The following SPIDR variants were observed in gnomAD, a reference collection of about 807,000 sequenced individuals.
The protein encoded by SPIDR is DNA repair-scaffolding protein.
SPIDR carries 93 observed loss-of-function variants against 104.6 expected under a neutral mutation model. The observed-to-expected ratio is 0.89, with a 90% CI of 0.75 to 1.06. The LOEUF (loss-of-function observed/expected upper bound fraction) is 1.06. Ranked by LOEUF, SPIDR falls within the 50% of genes least tolerant of loss-of-function variation. SPIDR has a pLI of 0.00. For synonymous variants in SPIDR, 431 were observed against 416.9 expected (o/e 1.03, Z -0.41); for missense variants, 1,154 against 1,111.2 (o/e 1.04, Z -0.55).
intron 7 of SPIDR, among the ~76,000 whole-genome samples, chr8:47,429,168 TAA>T (rs1224037474): frequency 6.6e-6 from 1 of 152,212 alleles, no homozygotes; most frequent in African/African-American, 2.4e-5. Context: ...AACGGAACAG[TAA>T]AGAGTTCTTA....
intron 5 of SPIDR, among the ~76,000 whole-genome samples, chr8:47,394,325 A>G (rs2060995136): frequency 1.3e-5 from 2 of 152,084 alleles, no homozygotes; most frequent in Admixed American, 1.3e-4. Context: ...AGTGTTTCAT[A>G]ACTATCTGGG....
At chr8:47,422,959 A>G (rs2065806459) in intron 7 of SPIDR, among the ~76,000 whole-genome samples, 1 of 152,126 alleles carries the variant, frequency 6.6e-6, no homozygotes. Context: ...TAAAAGACAT[A>G]TATCTCAAGA....
rs573927063 is a variant in SPIDR, at chr8:47,424,518, A to G, written c.878-15805A>G. Among the ~76,000 whole-genome samples, 21 of 152,172 alleles carry G rather than the reference A, an allele frequency of 1.4e-4. No individual in the cohort carries two copies. In the South Asian group the frequency reaches 3.7e-3, roughly 27 times the overall value. ...TTCTCTACAGAAATGGAGTCTTCCT[A>G]TGTTTTCCAGGCTGGTCTCGAACTC... On this transcript the variant is annotated intron_variant, in intron 7 of 19. Coordinates refer to ENST00000297423, the MANE Select transcript of SPIDR (RefSeq NM_001080394.4).
At chr8:47,457,535 G>A (rs370229209) in intron 8 of SPIDR, among the ~76,000 whole-genome samples, 93 of 152,050 alleles carry the variant, frequency 6.1e-4, no homozygotes, top group Non-Finnish European at 8.8e-4. Context: ...ATTTTCTCCC[G>A]CTCTGTGAGT....
At chr8:47,331,534 G>A (rs1351460634) in intron 5 of SPIDR, among the ~76,000 whole-genome samples, 1 of 152,186 alleles carries the variant, frequency 6.6e-6, no homozygotes, top group Admixed American at 6.5e-5. Context: ...TGGTATACAT[G>A]TATAGGGCAC....
chr8:47,417,278 T>C (rs1179443774), intron 7 of SPIDR, among the ~76,000 whole-genome samples: 1 of 152,220 alleles, frequency 6.6e-6, no homozygotes, highest in Non-Finnish European at 1.5e-5. Context: ...TCACATCCTC[T>C]CCAGCACCTG....
intron 5 of SPIDR, among the ~76,000 whole-genome samples, chr8:47,321,105 A>C (rs1344267537): frequency 1.3e-5 from 2 of 152,184 alleles, no homozygotes; most frequent in Non-Finnish European, 2.9e-5. Flanking sequence ...GCAATCAGGC[A>C]GGAGAAGGAA....
intron 10 of SPIDR, among the ~76,000 whole-genome samples, chr8:47,646,830 T>C (rs566614888): frequency 6.8e-4 from 104 of 152,258 alleles, no homozygotes; most frequent in African/African-American, 1.9e-3. Context: ...GAATTATATA[T>C]ATTACTCAGA....
At chr8:47,472,986 C>A (rs1441007498) in intron 8 of SPIDR, among the ~76,000 whole-genome samples, 1 of 152,158 alleles carries the variant, frequency 6.6e-6, no homozygotes, top group Non-Finnish European at 1.5e-5. Context: ...TGTTAACCAG[C>A]ACACCCATGA....
At chr8:47,655,975 C>T (rs1421523991) in intron 10 of SPIDR, among the ~76,000 whole-genome samples, 2 of 152,164 alleles carry the variant, frequency 1.3e-5, no homozygotes, top group Non-Finnish European at 2.9e-5. Context: ...AAAGAAGAGT[C>T]ATTCCAATCA....
At chr8:47,596,566 G>C (rs1290318656) in intron 9 of SPIDR, among the ~76,000 whole-genome samples, 1 of 152,180 alleles carries the variant, frequency 6.6e-6, no homozygotes, top group African/African-American at 2.4e-5. Flanking sequence ...AGTTGCTCTC[G>C]ATGAGTCAGT....
At chr8:47,401,515 C>A (rs1412569555) in intron 6 of SPIDR, among the ~76,000 whole-genome samples, 1 of 152,114 alleles carries the variant, frequency 6.6e-6, no homozygotes, top group African/African-American at 2.4e-5. Flanking sequence ...GCCAAACTCT[C>A]CAATTAAAAG....
intron 8 of SPIDR, among the ~76,000 whole-genome samples, chr8:47,515,655 A>G (rs2083009340): frequency 6.6e-6 from 1 of 152,226 alleles, no homozygotes; most frequent in Admixed American, 6.5e-5. Flanking sequence ...ATGAAATTCT[A>G]GGTCTAAATT....
intron 7 of SPIDR, among the ~76,000 whole-genome samples, chr8:47,416,726 T>G (rs1367318800): frequency 3.3e-5 from 5 of 152,128 alleles, no homozygotes; most frequent in African/African-American, 1.2e-4. Context: ...ACCCATTAAC[T>G]CGTCATTTAA....
At chr8:47,415,797 T>C (rs1412802037) in intron 7 of SPIDR, among the ~76,000 whole-genome samples, 1 of 152,200 alleles carries the variant, frequency 6.6e-6, no homozygotes, top group East Asian at 1.9e-4. Flanking sequence ...ACAGCCAAGA[T>C]GGACTAAGAT....
rs562123161 is a variant in SPIDR at position 47,704,999 on chromosome 8, C to G, written c.1977+2984C>G. On this transcript the variant is annotated intron_variant, in intron 14 of 19. Coordinates refer to ENST00000297423, the MANE Select transcript of SPIDR (RefSeq NM_001080394.4). ...CTGCTCTTCTGGGTCATGGGCCAGG[C>G]GGTGGCTCTCTGTGCAGGTGCCTTT... is the stretch of plus-strand genomic sequence containing the variant. Among the ~76,000 whole-genome samples the G allele has an allele frequency of 1.6e-3, 249 of 152,330 alleles. 1 individual carries two copies. The highest frequency in any genetic ancestry group is 5.6e-3 in the African/African-American group (233 of 41,580).
intron 8 of SPIDR, among the ~76,000 whole-genome samples, chr8:47,533,422 A>G (rs924573857): frequency 4.6e-5 from 7 of 152,214 alleles, no homozygotes; most frequent in Non-Finnish European, 1.0e-4. Flanking sequence ...AAAAATTGAC[A>G]AGTGGGATCT....
intron 8 of SPIDR, among the ~76,000 whole-genome samples, chr8:47,557,699 C>T (rs1490341960): frequency 2.0e-5 from 3 of 152,044 alleles, no homozygotes; most frequent in Admixed American, 2.0e-4. Context: ...ATGTTGTTGG[C>T]CAACATTATG....
chr8:47,320,986 A>G (rs908666396), intron 5 of SPIDR, among the ~76,000 whole-genome samples: 1 of 152,042 alleles, frequency 6.6e-6, no homozygotes, highest in Admixed American at 6.6e-5. Context: ...CCCACAGCCA[A>G]TATCATAATG....
Sources: allele counts gnomAD v4.1 joint callset (sites outside exome capture counted in the v4.1 genomes callset), GRCh38; gene constraint gnomAD v4.1.1; transcripts MANE v1.5; gene names NCBI Gene and HGNC (gene_info 2026-07-23, HGNC 2026-07-21).